CDK14: variants seen among roughly 807,000 people sequenced by gnomAD.
The protein encoded by CDK14 is cyclin-dependent kinase 14.
CDK14 carries 34 observed loss-of-function variants against 60.7 expected under a neutral mutation model. The ratio of observed to expected loss-of-function variants is 0.56; its 90% CI spans 0.43 to 0.75. CDK14 has a LOEUF of 0.75. Among genes scored for constraint, CDK14 ranks in the 30% least tolerant of loss-of-function variants. The pLI, the probability that CDK14 is intolerant of heterozygous loss-of-function variation, is 0.00. For synonymous variants in CDK14, 197 were observed against 203.7 expected, an observed-to-expected ratio of 0.97 and a Z score of 0.28; for missense variants, 482 against 564.1, an observed-to-expected ratio of 0.85 and a Z score of 1.47.
intron 9 of CDK14, among the ~76,000 whole-genome samples, chr7:90,964,654 C>G (rs1794702903): frequency 6.6e-6 from 1 of 152,002 alleles, no homozygotes. Flanking sequence ...CTCTTTTAGA[C>G]ATGGTATTTT....
chr7:90,814,492 C>T (rs775358204), intron 5 of CDK14, among the ~76,000 whole-genome samples: 1 of 152,026 alleles, frequency 6.6e-6, no homozygotes, highest in African/African-American at 2.4e-5. Flanking sequence ...AAAATAAAAA[C>T]TACATTGTGG....
At chr7:90,672,666 T>C (rs1801121638) in intron 2 of CDK14, among the ~76,000 whole-genome samples, 1 of 151,814 alleles carries the variant, frequency 6.6e-6, no homozygotes, top group Non-Finnish European at 1.5e-5. Flanking sequence ...ACTACAGGTG[T>C]ACACCACAAC....
intron 2 of CDK14, among the ~76,000 whole-genome samples, chr7:90,714,058 A>G (rs1277442022): frequency 6.6e-6 from 1 of 152,064 alleles, no homozygotes; most frequent in East Asian, 1.9e-4. Flanking sequence ...TATCAGCTGC[A>G]TTATATCTTG....
intron 9 of CDK14, among the ~76,000 whole-genome samples, chr7:90,974,051 A>G (rs143911461): frequency 0.017 from 2,522 of 152,222 alleles, 23 homozygotes; most frequent in Non-Finnish European, 0.022. Flanking sequence ...GCAGCCGTCT[A>G]TAGACCTCCC....
chr7:91,166,152 T>A (rs1016088185), intron 14 of CDK14, among the ~76,000 whole-genome samples: 8 of 152,238 alleles, frequency 5.3e-5, no homozygotes, highest in African/African-American at 1.9e-4. Flanking sequence ...TAGAAGGTCT[T>A]ATGTAGAGAG....
intron 2 of CDK14, among the ~76,000 whole-genome samples, chr7:90,683,109 C>T (rs1801354176): frequency 6.6e-6 from 1 of 152,094 alleles, no homozygotes; most frequent in Admixed American, 6.5e-5. Context: ...AAATATTTCC[C>T]CTAGAGTTAG....
intron 2 of CDK14, among the ~76,000 whole-genome samples, chr7:90,672,528 T>TAAAAAA (rs1801118324): frequency 7.2e-6 from 1 of 138,588 alleles, no homozygotes. Flanking sequence ...TTTTTTTTTT[T>TAAAAAA]TTTTTTTTAA....
At chr7:90,672,187 G>A (rs375449071) in intron 2 of CDK14, among the ~76,000 whole-genome samples, 26 of 152,122 alleles carry the variant, frequency 1.7e-4, no homozygotes, top group African/African-American at 2.7e-4. Flanking sequence ...TTCATATGCC[G>A]TCTAATTCAC....
At chr7:90,669,318 C>T (rs34219481) in intron 2 of CDK14, among the ~76,000 whole-genome samples, 43,177 of 151,954 alleles carry the variant, frequency 0.28, 6,475 homozygotes, top group Non-Finnish European at 0.34. Context: ...TTTTTCTGGA[C>T]GTGGGACTTG....
At chr7:91,205,847 G>T (rs1414787880) in intron 14 of CDK14, among the ~76,000 whole-genome samples, 1 of 151,870 alleles carries the variant, frequency 6.6e-6, no homozygotes, top group Non-Finnish European at 1.5e-5. Context: ...CCAGGCTGGG[G>T]TGCCGTGGCA....
intron 5 of CDK14, among the ~76,000 whole-genome samples, chr7:90,804,859 G>T (rs1788763517): frequency 6.6e-6 from 1 of 152,122 alleles, no homozygotes; most frequent in Admixed American, 6.5e-5. Flanking sequence ...TACATAAACA[G>T]TTCTAATCTG....
chr7:90,766,062 T>G (rs182013961), intron 4 of CDK14, among the ~76,000 whole-genome samples: 17 of 152,348 alleles, frequency 1.1e-4, no homozygotes, highest in African/African-American at 3.8e-4. Flanking sequence ...TTATCCTTCT[T>G]AAATATCTTT....
intron 2 of CDK14, among the ~76,000 whole-genome samples, chr7:90,649,280 C>CTTTCTTTCT (rs1800541740): frequency 3.6e-5 from 2 of 56,298 alleles, no homozygotes; most frequent in African/African-American, 1.7e-4. Context: ...TTCTTTCTTT[C>CTTTCTTTCT]TTTCTTTCTT....
At chr7:90,671,363 A>G (rs1462021930) in intron 2 of CDK14, among the ~76,000 whole-genome samples, 1 of 151,270 alleles carries the variant, frequency 6.6e-6, no homozygotes, top group African/African-American at 2.4e-5. Context: ...TAAGAAGGTT[A>G]TTTAGGTTCA....
At chr7:91,079,848 A>G (rs1041290373) in intron 12 of CDK14, among the ~76,000 whole-genome samples, 1 of 152,206 alleles carries the variant, frequency 6.6e-6, no homozygotes, top group Admixed American at 6.5e-5. Flanking sequence ...ACAACTTTTG[A>G]GCTAAAGTTG....
chr7:90,917,832 G>T, intron 8 of CDK14, 108 bp downstream of exon 8: 31 of 1,097,794 alleles, frequency 2.8e-5, no homozygotes, highest in South Asian at 9.0e-5. Flanking sequence ...CATAGATCCT[G>T]GTAATTTTTT....
At chr7:91,045,481 G>C (rs1426421940) in intron 10 of CDK14, among the ~76,000 whole-genome samples, 4 of 152,146 alleles carry the variant, frequency 2.6e-5, no homozygotes, top group Non-Finnish European at 5.9e-5. Flanking sequence ...CAGAGGATGT[G>C]GGGTAGAAAT....
chr7:90,716,899 A>G (rs975116539), intron 2 of CDK14, among the ~76,000 whole-genome samples: 2 of 152,018 alleles, frequency 1.3e-5, no homozygotes, highest in Admixed American at 1.3e-4. Context: ...AGGTGCACAC[A>G]AATCACCCAG....
chr7:90,847,913 C>A (rs1051094234), intron 5 of CDK14, among the ~76,000 whole-genome samples: 7 of 152,136 alleles, frequency 4.6e-5, no homozygotes, highest in South Asian at 2.1e-4. Flanking sequence ...AGTCTTCCTT[C>A]CCACCACAAT....
Sources: allele counts gnomAD v4.1 joint callset (sites outside exome capture counted in the v4.1 genomes callset), GRCh38; gene constraint gnomAD v4.1.1; transcripts MANE v1.5; gene names NCBI Gene and HGNC (gene_info 2026-07-23, HGNC 2026-07-21).